CYTH2: variants seen among roughly 807,000 people sequenced by gnomAD.
CYTH2 encodes cytohesin-2.
Under a neutral mutation model 55.4 loss-of-function variants are expected in CYTH2, and 24 were observed. That is an observed-to-expected ratio of 0.43 (90% CI 0.31 to 0.61). The LOEUF (loss-of-function observed/expected upper bound fraction) is 0.61, where lower values mean the gene tolerates loss of function less well. Ranked by LOEUF, CYTH2 falls within the 20% of genes least tolerant of loss-of-function variation. The pLI is 0.08. For synonymous variants in CYTH2, 221 were observed against 209.6 expected (o/e 1.05, Z -0.47); for missense variants, 378 against 533.5 (o/e 0.71, Z 2.87).
At position 48,478,540 on chromosome 19, in the gene CYTH2, C is replaced by T. The variant is rs1370303603; in HGVS notation, c.1060C>T (p.Arg354Trp). 2 of 1,613,880 alleles carry T rather than the reference C, an allele frequency of 1.2e-6. No homozygotes were observed. The highest frequency in any genetic ancestry group is 1.7e-6 in the Non-Finnish European group (2 of 1,179,936). Residue 354 changes from arginine (R) to tryptophan (W), a missense_variant, in exon 11 of 12, where the codon CGG becomes TGG. Arg to Trp is a moderately radical substitution (Grantham distance 101). Coordinates refer to ENST00000452733, the MANE Select transcript of CYTH2 (RefSeq NM_004228.7). ...GGTGGAGGGAAACCACATGGTGTACCGGATCTCGGCCCCCACGCAGGAGGA... is the reference window on the plus strand; with the variant it reads ...GGTGGAGGGAAACCACATGGTGTACTGGATCTCGGCCCCCACGCAGGAGGA... ...RVVEGNHMVY[R>W]ISAPTQEEKD...
At chr19:48,477,930 TC>T in intron 8 of CYTH2, 138 bp from the exon 9 acceptor site, 1 of 631,432 alleles carries the variant, frequency 1.6e-6, no homozygotes, top group Non-Finnish European at 2.8e-6. Context: ...CTTGTCTGTC[TC>T]CCCCAACGCA....
chr19:48,469,549 C>T (rs1971739308), intron 1 of CYTH2, 23 bp downstream of exon 1: 2 of 1,315,182 alleles, frequency 1.5e-6, no homozygotes, highest in African/African-American at 1.6e-5. Flanking sequence ...GGGGCGGGGT[C>T]GGCTGGGAGT....
chr19:48,469,452 A>C lies in CYTH2; in HGVS notation c.-56A>C, dbSNP rs1971736170. On this transcript the variant is annotated 5_prime_UTR_variant, in exon 1 of 12. Coordinates refer to ENST00000452733, the MANE Select transcript of CYTH2 (RefSeq NM_004228.7). ...CACCCGAGCCCGCGGGCCAACGCGG[A>C]TCCAGGCCCGACTGGCGGGACCGCC... The C allele has an allele frequency of 7.6e-7, 1 of 1,319,514 alleles. No homozygotes were observed. The highest frequency in any genetic ancestry group is 3.9e-5 in the Admixed American group (1 of 25,396). 81.7% of individuals were successfully genotyped at this position (1,319,514 alleles called of 1,614,324 possible).
At chr19:48,471,241 C>G (rs1404509825) in intron 3 of CYTH2, among the ~76,000 whole-genome samples, 1 of 151,158 alleles carries the variant, frequency 6.6e-6, no homozygotes, top group East Asian at 1.9e-4. Flanking sequence ...GGCTCACTAA[C>G]CTCCGCCTCC....
At chr19:48,477,114 C>T (rs541753407) in intron 8 of CYTH2, 2 of 152,384 alleles carry the variant, frequency 1.3e-5, no homozygotes, top group South Asian at 4.1e-4. Flanking sequence ...AAAAGCCATT[C>T]TTACTGTCAT....
At chr19:48,476,068 TC>T in intron 8 of CYTH2, 1 of 516,046 alleles carries the variant, frequency 1.9e-6, no homozygotes, top group East Asian at 5.5e-5. Flanking sequence ...CTTGGGGGCC[TC>T]CCCATGTGGA....
chr19:48,473,812 A>C, intron 5 of CYTH2, 93 bp from the exon 6 acceptor site: 1 of 1,005,472 alleles, frequency 9.9e-7, no homozygotes. Context: ...GAAGGTCGGG[A>C]TTCCTCGTGG....
chr19:48,471,893 TATAA>T (rs1971804773), intron 3 of CYTH2, among the ~76,000 whole-genome samples: 1 of 152,048 alleles, frequency 6.6e-6, no homozygotes, highest in East Asian at 1.9e-4. Context: ...CTAGAAAAAA[TATAA>T]ATAAATAAAT....
rs1320463488 is a variant in CYTH2 at position 48,473,384 on chromosome 19, T to C, written c.434+6T>C. 6.2e-7 allele frequency: 1 copy of C among 1,613,446 alleles called. No individual in the cohort carries two copies. The highest frequency in any genetic ancestry group is 1.3e-5 in the African/African-American group (1 of 74,764). Reference sequence around the variant, plus strand: ...AATCTGGTGCAGGCCCTCAGGTGAGTGAGGGGGAGGGGTTTGGAACGCCAG... The same window carrying C: ...AATCTGGTGCAGGCCCTCAGGTGAGCGAGGGGGAGGGGTTTGGAACGCCAG... On this transcript the variant is annotated splice_donor_region_variant and intron_variant, in intron 5 of 11. Transcript: ENST00000452733.
At position 48,472,454 on chromosome 19, in the gene CYTH2, C is replaced by G. The variant is rs377576153; in HGVS notation, c.353+11C>G. On this transcript the variant is annotated intron_variant, in intron 4 of 11. Transcript: ENST00000452733. ...CTACCTGGGGGAGAGGTACGGTCAC[C>G]ACTCAGCTCCTGTGGGGCCCCTCCC... is the stretch of plus-strand genomic sequence containing the variant. 2.2e-5 allele frequency: 35 copies of G among 1,610,710 alleles called. No homozygotes were observed. The African/African-American group carries it at 3.6e-4, about 17-fold the overall frequency.
At chr19:48,477,912 T>A (rs1484116349) in intron 8 of CYTH2, 157 bp from the exon 9 acceptor site, 17 of 602,958 alleles carry the variant, frequency 2.8e-5, no homozygotes, top group Non-Finnish European at 4.5e-5. Context: ...CCAACATGCC[T>A]GGCCCTGCTT....
At chr19:48,473,728 A>C in intron 5 of CYTH2, 177 bp from the exon 6 acceptor site, 1 of 616,932 alleles carries the variant, frequency 1.6e-6, no homozygotes, top group Non-Finnish European at 2.8e-6. Context: ...GTAGGGATTC[A>C]CAACACTCCC....
chr19:48,474,010 G>T lies in CYTH2; in HGVS notation c.540G>T (p.Gln180His). Residue 180 changes from glutamine (Q) to histidine (H), a missense_variant, in exon 6 of 12, where the codon CAG becomes CAT. By Grantham distance (24) the Gln-to-His change is conservative. Transcript: ENST00000452733. This position sits in a 1 kb window ranked among gnomAD's most constrained non-coding sequence, Gnocchi z 4.9. ...RYCLCNPGVF[Q>H]STDTCYVLSF... is the part of the protein sequence containing the mutation. The stretch of plus-strand genomic sequence containing the variant: ...GCCTGTGCAACCCTGGGGTTTTCCA[G>T]TCCACAGGTGCGGGCCCCAAATCCT... 3 of 1,608,500 alleles carry T rather than the reference G, an allele frequency of 1.9e-6. No homozygotes were observed. The highest frequency in any genetic ancestry group is 2.2e-5 in the South Asian group (2 of 90,478).
rs1423151001 is a variant in CYTH2 at position 48,480,433 on chromosome 19, C to T, written c.*1223C>T. 6.6e-6 allele frequency: 1 copy of T among 152,224 alleles called. No individual in the cohort carries two copies. Among genetic ancestry groups the T allele is most frequent in the Non-Finnish European group, 1.5e-5 (1 of 68,042 alleles). The allele number at this position is 152,224 out of a possible 1,614,324, so 9.4% of individuals were successfully genotyped here. The stretch of plus-strand genomic sequence containing the variant: ...CGCTTCGGAATTTCGGGCTTTGATC[C>T]CTGTCCCGCCCTTGGCCACAGGCAC... On this transcript the variant is annotated 3_prime_UTR_variant, in exon 12 of 12. Transcript: ENST00000452733.
Position 48,472,455 on chromosome 19 carries a change from A to G in CYTH2, c.353+12A>G. On this transcript the variant is annotated intron_variant, in intron 4 of 11. Transcript: ENST00000452733. ...TACCTGGGGGAGAGGTACGGTCACC[A>G]CTCAGCTCCTGTGGGGCCCCTCCCT... 4 of 1,610,666 alleles carry G rather than the reference A, an allele frequency of 2.5e-6. No homozygotes were observed. The highest frequency in any genetic ancestry group is 3.4e-6 in the Non-Finnish European group (4 of 1,178,822).
intron 5 of CYTH2, 175 bp from the exon 6 acceptor site, chr19:48,473,730 A>G (rs1408941636): frequency 3.2e-6 from 2 of 617,918 alleles, no homozygotes; most frequent in Non-Finnish European, 5.7e-6. Context: ...AGGGATTCAC[A>G]ACACTCCCGT....
intron 8 of CYTH2, chr19:48,475,261 A>ACC: frequency 1.8e-5 from 6 of 335,526 alleles, no homozygotes; most frequent in South Asian, 4.3e-5. Context: ...TTCGTGGGAG[A>ACC]AGAGTTCACT....
rs567352736 is a variant in CYTH2 at position 48,478,657 on chromosome 19, G to C, written c.1112+65G>C. On this transcript the variant is annotated intron_variant, in intron 11 of 11. Coordinates refer to ENST00000452733, the MANE Select transcript of CYTH2 (RefSeq NM_004228.7). ...GGCCTGGACTCCTGGGTCTGATGGAGGAGGGGCAGGGGCCTGGATGCCTGG... is the reference window on the plus strand; with the variant it reads ...GGCCTGGACTCCTGGGTCTGATGGACGAGGGGCAGGGGCCTGGATGCCTGG... 556 of 1,351,206 alleles carry C rather than the reference G, an allele frequency of 4.1e-4. 2 individuals carry two copies. The highest frequency in any genetic ancestry group is 1.1e-3 in the Admixed American group (43 of 40,606). The allele number at this position is 1,351,206 out of a possible 1,614,324, so 83.7% of individuals were successfully genotyped here.
At chr19:48,477,907 A>C in intron 8 of CYTH2, 162 bp from the exon 9 acceptor site, 2 of 589,926 alleles carry the variant, frequency 3.4e-6, no homozygotes. Context: ...GAGCCCCAAC[A>C]TGCCTGGCCC....
Sources: allele counts gnomAD v4.1 joint callset (sites outside exome capture counted in the v4.1 genomes callset), GRCh38; gene constraint gnomAD v4.1.1; non-coding constraint Gnocchi (gnomAD v3.1); transcripts MANE v1.5; gene names NCBI Gene and HGNC (gene_info 2026-07-23, HGNC 2026-07-21).